Variants in ZBTB20 observed in about 807,000 individuals in gnomAD.
The protein encoded by ZBTB20 is zinc finger and BTB domain containing 20, also known as zinc finger and BTB domain-containing protein 20.
A neutral mutation model predicts 56.9 loss-of-function variants in ZBTB20; 9 were observed. That is an observed-to-expected ratio of 0.16 (90% CI 0.10 to 0.28). The LOEUF (loss-of-function observed/expected upper bound fraction) is 0.28, where lower values mean the gene tolerates loss of function less well. Ranked by LOEUF, ZBTB20 falls within the 10% of genes least tolerant of loss-of-function variation. The pLI is 1.00. For missense variants in ZBTB20, 655 were observed against 1,003.0 expected (o/e 0.65, Z 4.69); for synonymous variants, 417 against 420.7 (o/e 0.99, Z 0.11).
At chr3:115,085,708 T>A (rs944558913) in intron 1 of ZBTB20, among the ~76,000 whole-genome samples, 4 of 152,064 alleles carry the variant, frequency 2.6e-5, no homozygotes, top group Non-Finnish European at 5.9e-5. Context: ...ATATGCCACA[T>A]TTGCCTCAGG....
At chr3:114,596,589 C>T (rs990908613) in intron 6 of ZBTB20, among the ~76,000 whole-genome samples, 1 of 152,116 alleles carries the variant, frequency 6.6e-6, no homozygotes, top group African/African-American at 2.4e-5. Flanking sequence ...TATCGAGGCC[C>T]CCAAATATTG....
At chr3:114,574,930 C>G (rs1048497488) in intron 6 of ZBTB20, among the ~76,000 whole-genome samples, 1 of 152,078 alleles carries the variant, frequency 6.6e-6, no homozygotes, top group Admixed American at 6.5e-5. Flanking sequence ...TATGCACTTA[C>G]GTTTTTATAA....
chr3:114,915,406 T>C (rs1008871856), intron 3 of ZBTB20, among the ~76,000 whole-genome samples: 1 of 152,002 alleles, frequency 6.6e-6, no homozygotes, highest in Non-Finnish European at 1.5e-5. Context: ...ATTTCTGTAG[T>C]ATCAATTGTA....
intron 6 of ZBTB20, among the ~76,000 whole-genome samples, chr3:114,547,121 T>G (rs977698794): frequency 1.3e-5 from 2 of 151,872 alleles, no homozygotes; most frequent in Non-Finnish European, 2.9e-5. Flanking sequence ...GACCTTGGAG[T>G]TGGGAAAGAA....
At chr3:115,147,056 G>A (rs1006447087) in intron 1 of ZBTB20, among the ~76,000 whole-genome samples, 163 bp downstream of exon 1, 4 of 148,986 alleles carry the variant, frequency 2.7e-5, no homozygotes, top group East Asian at 2.0e-4. Flanking sequence ...CCGCTGGCTC[G>A]CCGCTCTGTA....
chr3:114,483,731 T>C (rs1452261650), intron 7 of ZBTB20, among the ~76,000 whole-genome samples: 1 of 152,216 alleles, frequency 6.6e-6, no homozygotes, highest in Non-Finnish European at 1.5e-5. Flanking sequence ...GAGTTGCTAC[T>C]TTCGAAGAGT....
At chr3:114,554,685 C>T (rs2050990739) in intron 6 of ZBTB20, among the ~76,000 whole-genome samples, 2 of 152,120 alleles carry the variant, frequency 1.3e-5, no homozygotes, top group South Asian at 4.1e-4. Context: ...GCAGTTTCTA[C>T]CACTAGATGA....
chr3:114,827,420 C>T (rs1032183426), intron 4 of ZBTB20, among the ~76,000 whole-genome samples: 8 of 151,838 alleles, frequency 5.3e-5, no homozygotes, highest in African/African-American at 1.9e-4. Flanking sequence ...TGTAATGCTT[C>T]CCATTAGTTC....
chr3:114,343,516 G>A (rs2079953779), intron 11 of ZBTB20, among the ~76,000 whole-genome samples: 1 of 152,216 alleles, frequency 6.6e-6, no homozygotes, highest in Admixed American at 6.5e-5. Flanking sequence ...TGCTTGATGA[G>A]ACAGCAGGCA....
At position 114,324,473 on chromosome 3, in the gene ZBTB20, CCCTCA is replaced by C. The variant is rs2108012361; in HGVS notation, c.*14527_*14531del. ...CACTTTTCTACATTGATCACTTTTT[CCCTCA>C]CCTCATTAGTCTCCTATTCTTTTTT... On this transcript the variant is annotated 3_prime_UTR_variant, in exon 12 of 12. Transcript: ENST00000675478. 1 of 151,998 alleles carries C rather than the reference CCCTCA, an allele frequency of 6.6e-6. No individual in the cohort carries two copies. Among genetic ancestry groups the C allele is most frequent in the African/African-American group, 2.4e-5 (1 of 41,468 alleles). The allele number at this position is 151,998 out of a possible 1,614,324, so 9.4% of individuals were successfully genotyped here.
chr3:114,316,560 A>G lies in ZBTB20; in HGVS notation c.*22445T>C, dbSNP rs2078692906. The stretch of plus-strand genomic sequence containing the variant: ...GTGTGTATACATTTATACATAATAT[A>G]GTGTATATCGTTTCAACTGGAGATA... On this transcript the variant is annotated 3_prime_UTR_variant, in exon 12 of 12. Transcript: ENST00000675478. 2 of 533,646 alleles carry G rather than the reference A, an allele frequency of 3.7e-6. No homozygotes were observed. The highest frequency in any genetic ancestry group is 7.7e-6 in the Non-Finnish European group (2 of 259,722). The allele number at this position is 533,646 out of a possible 1,614,324, so 33.1% of individuals were successfully genotyped here. A position where few individuals can be genotyped will look rare whatever the true frequency, so the allele number is the denominator to read the frequency against.
At chr3:115,059,291 A>G (rs1350316074) in intron 2 of ZBTB20, among the ~76,000 whole-genome samples, 2 of 152,156 alleles carry the variant, frequency 1.3e-5, no homozygotes, top group Non-Finnish European at 2.9e-5. Flanking sequence ...TGAACTTCAC[A>G]AAGTATTAGA....
intron 6 of ZBTB20, among the ~76,000 whole-genome samples, chr3:114,552,658 CA>C (rs2050720458): frequency 6.6e-6 from 1 of 152,112 alleles, no homozygotes; most frequent in African/African-American, 2.4e-5. Flanking sequence ...GGAGCTCCCA[CA>C]AAAAAGTCTT....
chr3:114,690,980 C>T (rs1324148629), intron 6 of ZBTB20, among the ~76,000 whole-genome samples: 2 of 152,144 alleles, frequency 1.3e-5, no homozygotes, highest in East Asian at 3.9e-4. Flanking sequence ...ATAGATCTGG[C>T]AGGCAAATTA....
At chr3:114,789,084 T>C (rs563293139) in intron 5 of ZBTB20, among the ~76,000 whole-genome samples, 1 of 152,254 alleles carries the variant, frequency 6.6e-6, no homozygotes, top group Admixed American at 6.5e-5. Flanking sequence ...CCAAACCATA[T>C]CAGGGGACCT....
intron 10 of ZBTB20, among the ~76,000 whole-genome samples, chr3:114,352,862 G>A (rs994212473): frequency 2.6e-5 from 4 of 152,082 alleles, no homozygotes; most frequent in African/African-American, 9.7e-5. Flanking sequence ...GATCTCCTTG[G>A]GTAATAGGGT....
chr3:114,524,102 T>C (rs940571788), intron 6 of ZBTB20, among the ~76,000 whole-genome samples: 2 of 152,288 alleles, frequency 1.3e-5, no homozygotes, highest in Non-Finnish European at 1.5e-5. Context: ...AAGGAAATGA[T>C]TAAAATCATT....
At chr3:114,816,052 G>C (rs2072892975) in intron 4 of ZBTB20, among the ~76,000 whole-genome samples, 1 of 152,138 alleles carries the variant, frequency 6.6e-6, no homozygotes, top group South Asian at 2.1e-4. Flanking sequence ...TATCTGAGGA[G>C]CTATCCTCTT....
chr3:114,401,104 A>G (rs2086786558), intron 7 of ZBTB20, among the ~76,000 whole-genome samples: 1 of 151,714 alleles, frequency 6.6e-6, no homozygotes, highest in Non-Finnish European at 1.5e-5. Flanking sequence ...ACACACACAC[A>G]CACACACACA....
Sources: gnomAD v4.1 joint callset for allele counts (sites outside exome capture counted in the v4.1 genomes callset) on GRCh38, gnomAD v4.1.1 for gene constraint, MANE v1.5 for transcripts, NCBI Gene and HGNC (gene_info 2026-07-23, HGNC 2026-07-21) for gene names.